The following PTPRM variants were observed in gnomAD, a reference collection of about 807,000 sequenced individuals.
PTPRM encodes protein tyrosine phosphatase receptor type M, also known as receptor-type tyrosine-protein phosphatase mu.
PTPRM carries 47 observed loss-of-function variants against 186.7 expected under a neutral mutation model. The observed-to-expected ratio is 0.25, with a 90% confidence interval of 0.20 to 0.32. The LOEUF (loss-of-function observed/expected upper bound fraction) is 0.32, where lower values mean the gene tolerates loss of function less well. Among genes scored for constraint, PTPRM ranks in the 10% least tolerant of loss-of-function variants. The probability of loss-of-function intolerance (pLI) is 1.00; values close to 1 mark genes in which losing one functional copy is unlikely to be tolerated. For synonymous variants in PTPRM, 668 were observed against 674.9 expected (o/e 0.99, Z 0.16); for missense variants, 1,494 against 1,865.0 (o/e 0.80, Z 3.66).
At chr18:7,789,740 G>C (rs2043249353) in intron 2 of PTPRM, among the ~76,000 whole-genome samples, 1 of 152,186 alleles carries the variant, frequency 6.6e-6, no homozygotes, top group African/African-American at 2.4e-5. Context: ...AGTTGTGCTT[G>C]TGCAGGGAAG....
At chr18:7,613,948 T>C (rs1256797473) in intron 1 of PTPRM, among the ~76,000 whole-genome samples, 1 of 152,206 alleles carries the variant, frequency 6.6e-6, no homozygotes, top group Non-Finnish European at 1.5e-5. Flanking sequence ...TTTATAGTCT[T>C]ACTGGGCTGC....
chr18:7,935,622 C>A (rs775384529), intron 5 of PTPRM, among the ~76,000 whole-genome samples: 1 of 152,124 alleles, frequency 6.6e-6, no homozygotes, highest in Non-Finnish European at 1.5e-5. Context: ...ACCTTGAGGT[C>A]TCCTGGCCTC....
At position 8,354,181 on chromosome 18, in the gene PTPRM, C is replaced by A. The variant is rs531875453; in HGVS notation, c.3054+10661C>A. 3.7e-4 allele frequency among the ~76,000 whole-genome samples: 55 copies of A among 149,636 alleles called. No homozygotes were observed. The South Asian group carries it at 3.8e-3, about 10-fold the overall frequency. On this transcript the variant is annotated intron_variant, in intron 23 of 32. Transcript: ENST00000580170. ...TGAGCCTAGATCGCACCATTGCACT[C>A]CAGCCTGGGTGACAGAGTGAGATTC...
chr18:7,618,835 C>T (rs75931324), intron 1 of PTPRM, among the ~76,000 whole-genome samples: 10,023 of 152,266 alleles, frequency 0.066, 473 homozygotes, highest in South Asian at 0.19. Flanking sequence ...TGCATTAAAT[C>T]CTTGGCTGGC....
chr18:8,012,718 G>A (rs983161408), intron 7 of PTPRM, among the ~76,000 whole-genome samples: 6 of 152,148 alleles, frequency 3.9e-5, no homozygotes, highest in Admixed American at 6.5e-5. Context: ...TGAGACCACC[G>A]TCATATGTGC....
At chr18:7,764,489 A>G (rs2041927443) in intron 1 of PTPRM, among the ~76,000 whole-genome samples, 1 of 152,160 alleles carries the variant, frequency 6.6e-6, no homozygotes, top group Non-Finnish European at 1.5e-5. Flanking sequence ...ACCTTTTTTT[A>G]AAACCACAGA....
At chr18:7,881,614 T>C (rs368115610) in intron 2 of PTPRM, among the ~76,000 whole-genome samples, 2 of 152,316 alleles carry the variant, frequency 1.3e-5, no homozygotes, top group South Asian at 4.1e-4. Flanking sequence ...GCTCTCTCTT[T>C]CTTCAGAGCT....
At chr18:8,149,001 C>T (rs1052347226) in intron 14 of PTPRM, among the ~76,000 whole-genome samples, 5 of 152,182 alleles carry the variant, frequency 3.3e-5, no homozygotes, top group African/African-American at 1.2e-4. Flanking sequence ...TATGATTGCA[C>T]TGTGGTCTGA....
At chr18:8,303,953 G>A (rs780268237) in intron 20 of PTPRM, among the ~76,000 whole-genome samples, 6 of 152,138 alleles carry the variant, frequency 3.9e-5, no homozygotes, top group Non-Finnish European at 7.4e-5. Context: ...ATGCAGCCAC[G>A]GGAGGAGCAA....
chr18:8,143,845 G>T, intron 14 of PTPRM, 66 bp downstream of exon 14: 2 of 1,575,466 alleles, frequency 1.3e-6, no homozygotes, highest in Middle Eastern at 1.7e-4. Context: ...TTTTGTGTGT[G>T]TGAAAATTCT....
chr18:7,625,758 C>T (rs1472628577), intron 1 of PTPRM, among the ~76,000 whole-genome samples: 1 of 152,234 alleles, frequency 6.6e-6, no homozygotes, highest in Non-Finnish European at 1.5e-5. Flanking sequence ...TGGTCTTGAA[C>T]TCCTGATGTC....
intron 2 of PTPRM, among the ~76,000 whole-genome samples, chr18:7,818,545 A>G (rs1418274134): frequency 3.9e-5 from 6 of 152,134 alleles, no homozygotes; most frequent in Admixed American, 3.9e-4. Context: ...ATACACAGTG[A>G]ATTCTGAGAG....
intron 14 of PTPRM, among the ~76,000 whole-genome samples, chr18:8,187,708 G>A (rs549024545): frequency 1.3e-5 from 2 of 152,280 alleles, no homozygotes; most frequent in African/African-American, 2.4e-5. Flanking sequence ...TGAAGTTAAC[G>A]GGACTTGGAT....
intron 4 of PTPRM, among the ~76,000 whole-genome samples, chr18:7,922,313 A>C (rs1335642425): frequency 6.6e-6 from 1 of 152,194 alleles, no homozygotes; most frequent in African/African-American, 2.4e-5. Flanking sequence ...TTACAGAGAA[A>C]GTTTCTAATG....
intron 23 of PTPRM, among the ~76,000 whole-genome samples, chr18:8,349,590 A>G (rs1410599108): frequency 1.3e-5 from 2 of 151,432 alleles, no homozygotes; most frequent in Non-Finnish European, 2.9e-5. Flanking sequence ...CCTGCATGTT[A>G]CCCCTGGGCA....
chr18:8,030,561 ATCTG>A (rs1430019880), intron 7 of PTPRM, among the ~76,000 whole-genome samples: 1 of 152,240 alleles, frequency 6.6e-6, no homozygotes, highest in Non-Finnish European at 1.5e-5. Flanking sequence ...TTTGAAGTTC[ATCTG>A]TCTATTTTAG....
chr18:8,114,888 A>G (rs2091896997), intron 13 of PTPRM, 61 bp downstream of exon 13: 1 of 1,435,058 alleles, frequency 7.0e-7, no homozygotes, highest in South Asian at 1.2e-5. Flanking sequence ...ATTTTAACCT[A>G]TGTTTCAAAA....
In PTPRM at chr18:8,193,469, TA is replaced by T. The variant is rs1029527468; in HGVS notation, c.2300+49696del. Among the ~76,000 whole-genome samples, 256 of 107,248 alleles carry T rather than the reference TA, an allele frequency of 2.4e-3. 1 individual carries two copies. The highest frequency in any genetic ancestry group is 8.3e-3 in the African/African-American group (236 of 28,490). The allele number at this position is 107,248 out of a possible 152,430, so 70.4% of individuals were successfully genotyped here. ...AATGTCTGTAACTCCCAAAGCCCTT[TA>T]AAAAATATGATTAAATGACAGCATA... On this transcript the variant is annotated intron_variant, in intron 14 of 32. Coordinates refer to ENST00000580170, the MANE Select transcript of PTPRM (RefSeq NM_001105244.2).
rs79556770 is a variant in PTPRM, at chr18:7,899,337, A to G, written c.469-7168A>G. Among the ~76,000 whole-genome samples the G allele has an allele frequency of 6.2e-3, 938 of 152,330 alleles. 11 individuals carry two copies. Among genetic ancestry groups the G allele is most frequent in the African/African-American group, 0.022 (895 of 41,580 alleles). ...ACTCACATTTTTTGCTGCTCTGTGCATGTCCGCAGATACCATGAAAGCTTT... is the reference window on the plus strand; with the variant it reads ...ACTCACATTTTTTGCTGCTCTGTGCGTGTCCGCAGATACCATGAAAGCTTT... On this transcript the variant is annotated intron_variant, in intron 3 of 32. Transcript: ENST00000580170.
Sources: gnomAD v4.1 joint callset for allele counts (sites outside exome capture counted in the v4.1 genomes callset) on GRCh38, gnomAD v4.1.1 for gene constraint, MANE v1.5 for transcripts, NCBI Gene and HGNC (gene_info 2026-07-23, HGNC 2026-07-21) for gene names.